CRPPA: variants seen among roughly 807,000 people sequenced by gnomAD.
CRPPA encodes the protein CDP-L-ribitol pyrophosphorylase A.
Under a neutral mutation model 52.0 loss-of-function variants are expected in CRPPA, and 43 were observed. That is an observed-to-expected ratio of 0.83 (90% CI 0.65 to 1.07). The LOEUF (loss-of-function observed/expected upper bound fraction) is 1.07. CRPPA is among the 50% of genes least tolerant of loss of function. CRPPA has a pLI of 0.00. For missense variants in CRPPA, 629 were observed against 551.7 expected (o/e 1.14, Z -1.40); for synonymous variants, 250 against 203.5 (o/e 1.23, Z -1.94).
chr7:16,349,597 CAG>C (rs1399464972), intron 3 of CRPPA, among the ~76,000 whole-genome samples: 6 of 151,676 alleles, frequency 4.0e-5, no homozygotes, highest in Non-Finnish European at 8.8e-5. Flanking sequence ...ACAGGTCAAA[CAG>C]AAATTAAAGG....
At chr7:16,166,574 C>T (rs759558715) in intron 9 of CRPPA, among the ~76,000 whole-genome samples, 5 of 152,190 alleles carry the variant, frequency 3.3e-5, no homozygotes, top group Non-Finnish European at 5.9e-5. Context: ...GTCACCACAC[C>T]TGGCCAGCCT....
At chr7:16,259,140 A>AG (rs1783726896) in intron 6 of CRPPA, 128 bp from the exon 7 acceptor site, 11 of 465,958 alleles carry the variant, frequency 2.4e-5, no homozygotes, top group Non-Finnish European at 3.4e-5. Context: ...TAAAAAAATG[A>AG]AACATGCTGA....
chr7:16,241,149 C>G (rs1783095740), intron 8 of CRPPA, among the ~76,000 whole-genome samples: 1 of 152,064 alleles, frequency 6.6e-6, no homozygotes, highest in African/African-American at 2.4e-5. Context: ...GACAGTTTCT[C>G]CAGATGTGAA....
chr7:16,383,145 G>C (rs1787158276), intron 2 of CRPPA, among the ~76,000 whole-genome samples: 1 of 152,124 alleles, frequency 6.6e-6, no homozygotes, highest in Admixed American at 6.5e-5. Flanking sequence ...GGTCTTTGAT[G>C]ATGGTGATGT....
Position 16,286,097 on chromosome 7 carries a change from A to AAAAAAAAAAAAT in CRPPA, c.836-7872_836-7871insATTTTTTTTTTT. On this transcript the variant is annotated intron_variant, in intron 5 of 9. Coordinates refer to ENST00000407010, the MANE Select transcript of CRPPA (RefSeq NM_001101426.4). ...TATATATATAATATTTAAAAAAAAA[A>AAAAAAAAAAAAT]ATATATATATATATATATATGCCAA... Among the ~76,000 whole-genome samples the AAAAAAAAAAAAT allele has an allele frequency of 7.7e-5, 3 of 39,118 alleles. 1 individual carries two copies. Among genetic ancestry groups the AAAAAAAAAAAAT allele is most frequent in the East Asian group, 1.2e-3 (2 of 1,624 alleles). The allele number at this position is 39,118 out of a possible 152,430, so 25.7% of individuals were successfully genotyped here. A position where few individuals can be genotyped will look rare whatever the true frequency, so the allele number is the denominator to read the frequency against.
rs767978961 is a variant in CRPPA at position 16,406,338 on chromosome 7, C to G, written c.258-1G>C. ...AACAATGTCCTTTATCCAACATACT[C>G]TAAAAGGAAAGTATATGTACAATTC... On this transcript the variant is annotated splice_acceptor_variant, in intron 1 of 9. Coordinates refer to ENST00000407010, the MANE Select transcript of CRPPA (RefSeq NM_001101426.4). LOFTEE classifies it high-confidence loss of function. 7 of 1,611,396 alleles carry G rather than the reference C, an allele frequency of 4.3e-6. No homozygotes were observed. In the East Asian group the frequency reaches 1.6e-4, roughly 36 times the overall value.
chr7:16,163,347 T>A (rs1780959137), intron 9 of CRPPA, among the ~76,000 whole-genome samples: 1 of 152,106 alleles, frequency 6.6e-6, no homozygotes, highest in Admixed American at 6.5e-5. Context: ...CCTGCTTTTT[T>A]TTTTTCTTTC....
intron 5 of CRPPA, among the ~76,000 whole-genome samples, chr7:16,279,471 C>T (rs1482049492): frequency 1.3e-5 from 2 of 152,084 alleles, no homozygotes; most frequent in Non-Finnish European, 2.9e-5. Flanking sequence ...TTGCCCAAGA[C>T]TACAGGGACA....
rs911600000 is a variant in CRPPA at position 16,183,440 on chromosome 7, T to C, written c.1251+32626A>G. On this transcript the variant is annotated intron_variant, in intron 9 of 9. Transcript: ENST00000407010. ...AGTTATCAGCTCATTTTGTCAGAGATGGAAAGCCTGAGAACTTGCCTTATG... is the reference window on the plus strand; with the variant it reads ...AGTTATCAGCTCATTTTGTCAGAGACGGAAAGCCTGAGAACTTGCCTTATG... Among the ~76,000 whole-genome samples, 5 of 152,172 alleles carry C rather than the reference T, an allele frequency of 3.3e-5. 1 individual carries two copies. The South Asian group carries it at 1.0e-3, about 31-fold the overall frequency.
At chr7:16,362,948 G>A (rs921079363) in intron 3 of CRPPA, among the ~76,000 whole-genome samples, 16 of 151,920 alleles carry the variant, frequency 1.1e-4, no homozygotes, top group Admixed American at 6.6e-4. Context: ...CTACAGATAC[G>A]TCTTAATTAA....
chr7:16,206,397 A>G (rs6956587), intron 9 of CRPPA, among the ~76,000 whole-genome samples: 34,367 of 151,962 alleles, frequency 0.23, 4,766 homozygotes, highest in South Asian at 0.43. Context: ...TACTTCTAAT[A>G]CAAAAGTATT....
At chr7:16,205,907 T>A (rs1317870056) in intron 9 of CRPPA, among the ~76,000 whole-genome samples, 1 of 152,014 alleles carries the variant, frequency 6.6e-6, no homozygotes, top group Non-Finnish European at 1.5e-5. Context: ...AGGTGGTGAA[T>A]ATGGCACAAT....
chr7:16,291,110 C>A (rs897980742), intron 5 of CRPPA, among the ~76,000 whole-genome samples: 1 of 151,774 alleles, frequency 6.6e-6, no homozygotes, highest in Non-Finnish European at 1.5e-5. Flanking sequence ...GGGCTATTAT[C>A]AAAAACACAA....
intron 3 of CRPPA, among the ~76,000 whole-genome samples, chr7:16,372,875 A>G (rs953593701): frequency 6.6e-6 from 1 of 152,238 alleles, no homozygotes; most frequent in Admixed American, 6.5e-5. Context: ...GGAAACCAAA[A>G]GTGGGCAGGA....
At position 16,089,694 on chromosome 7, in the gene CRPPA, T is replaced by C. The variant is rs1459337188; in HGVS notation, c.*2001A>G. ...TGCTATGAAGGACCAAATGCTATTTTTTCCAGGCACAACTTAATATTTTAT... is the reference window on the plus strand; with the variant it reads ...TGCTATGAAGGACCAAATGCTATTTCTTCCAGGCACAACTTAATATTTTAT... On this transcript the variant is annotated 3_prime_UTR_variant, in exon 10 of 10. Transcript: ENST00000407010. 1 of 198,274 alleles carries C rather than the reference T, an allele frequency of 5.0e-6. No individual in the cohort carries two copies. The highest frequency in any genetic ancestry group is 2.3e-5 in the African/African-American group (1 of 43,736). The allele number at this position is 198,274 out of a possible 1,614,324, so 12.3% of individuals were successfully genotyped here.
intron 9 of CRPPA, among the ~76,000 whole-genome samples, chr7:16,160,677 G>A (rs757952129): frequency 7.9e-5 from 12 of 152,136 alleles, no homozygotes; most frequent in African/African-American, 2.7e-4. Flanking sequence ...GAAATTTTAC[G>A]TAGTTTTGTC....
chr7:16,399,952 T>C (rs1028265500), intron 2 of CRPPA, among the ~76,000 whole-genome samples: 7 of 150,766 alleles, frequency 4.6e-5, no homozygotes, highest in African/African-American at 1.7e-4. Flanking sequence ...GACACGTGAC[T>C]GACATGGCTT....
At chr7:16,118,303 A>G (rs1321435367) in intron 9 of CRPPA, among the ~76,000 whole-genome samples, 1 of 152,176 alleles carries the variant, frequency 6.6e-6, no homozygotes, top group African/African-American at 2.4e-5. Context: ...CTTTTCTCAC[A>G]GGGAAGAAAG....
At chr7:16,399,624 C>T (rs941062027) in intron 2 of CRPPA, among the ~76,000 whole-genome samples, 2 of 150,536 alleles carry the variant, frequency 1.3e-5, no homozygotes, top group East Asian at 2.0e-4. Context: ...CGTGACTGAC[C>T]CGATCGACAC....
Sources: allele counts gnomAD v4.1 joint callset (sites outside exome capture counted in the v4.1 genomes callset), GRCh38; gene constraint gnomAD v4.1.1; transcripts MANE v1.5; gene names NCBI Gene and HGNC (gene_info 2026-07-23, HGNC 2026-07-21).